The following EPYC variants were observed in gnomAD, a reference collection of about 807,000 sequenced individuals.
The protein encoded by EPYC is dermatan sulfate proteoglycan 3.
Under a neutral mutation model 30.1 loss-of-function variants are expected in EPYC, and 28 were observed. The observed-to-expected ratio is 0.93, with a 90% CI of 0.69 to 1.28. EPYC has a LOEUF of 1.28. Ranked by LOEUF, EPYC falls within the 50% of genes most tolerant of loss-of-function variation. EPYC has a pLI of 0.00. For missense variants in EPYC, 382 were observed against 383.5 expected (o/e 1.00, Z 0.03); for synonymous variants, 144 against 141.4 (o/e 1.02, Z -0.13).
chr12:91,001,865 A>T (rs946129596), intron 2 of EPYC, among the ~76,000 whole-genome samples: 1 of 151,918 alleles, frequency 6.6e-6, no homozygotes, highest in African/African-American at 2.4e-5. Context: ...TTGGCAATAA[A>T]ATTTGAAGGA....
chr12:90,976,139 C>T (rs7958144), intron 3 of EPYC, among the ~76,000 whole-genome samples: 64 of 152,036 alleles, frequency 4.2e-4, no homozygotes, highest in African/African-American at 1.4e-3. Context: ...GTTAAAAACT[C>T]AAAGAGGCAA....
chr12:90,988,607 A>C (rs1877507910), intron 2 of EPYC, among the ~76,000 whole-genome samples: 1 of 152,108 alleles, frequency 6.6e-6, no homozygotes, highest in Admixed American at 6.5e-5. Flanking sequence ...CATCTACAAA[A>C]ATGTTAAAAA....
chr12:90,980,222 A>C (rs1877293941), intron 2 of EPYC, among the ~76,000 whole-genome samples: 1 of 152,196 alleles, frequency 6.6e-6, no homozygotes, highest in Non-Finnish European at 1.5e-5. Flanking sequence ...GCTTTATAAG[A>C]AAAATGTTTG....
At chr12:90,977,251 A>T (rs1877208715) in intron 3 of EPYC, among the ~76,000 whole-genome samples, 1 of 152,178 alleles carries the variant, frequency 6.6e-6, no homozygotes, top group Non-Finnish European at 1.5e-5. Flanking sequence ...TGTATATAAA[A>T]GTATTCCAGT....
In EPYC at chr12:90,971,966, A is replaced by C; in HGVS notation, c.536T>G (p.Ile179Arg). The part of the protein sequence containing the change: ...LKRIDLTSNL[I>R]SEIDEDAFRK... ...GAATGCATCTTCATCAATCTCAGAT[A>C]TTAAATTTGATGTCAGATCAATCCT... Residue 179 changes from isoleucine to arginine, a missense_variant, in exon 5 of 7, where the codon ATA becomes AGA. Transcript: ENST00000261172. 6.2e-7 allele frequency: 1 copy of C among 1,604,614 alleles called. No homozygotes were observed. Among genetic ancestry groups the C allele is most frequent in the Non-Finnish European group, 8.5e-7 (1 of 1,174,824 alleles).
At chr12:90,969,954 G>T in intron 6 of EPYC, 90 bp downstream of exon 6, 2 of 843,126 alleles carry the variant, frequency 2.4e-6, no homozygotes, top group Non-Finnish European at 4.1e-6. Flanking sequence ...GTGTCAACAT[G>T]CCATTACAGA....
chr12:90,973,773 G>T (rs998347806), intron 3 of EPYC, among the ~76,000 whole-genome samples: 5 of 152,158 alleles, frequency 3.3e-5, no homozygotes, highest in Non-Finnish European at 7.4e-5. Flanking sequence ...GACATAACAT[G>T]CAGGGGCCTT....
chr12:90,979,903 TTTAAA>T (rs1422898828), intron 2 of EPYC, among the ~76,000 whole-genome samples: 1 of 152,204 alleles, frequency 6.6e-6, no homozygotes, highest in East Asian at 1.9e-4. Context: ...TAATACTTAC[TTTAAA>T]TTATTTAAAG....
At chr12:91,000,863 CT>C (rs1877806927) in intron 2 of EPYC, among the ~76,000 whole-genome samples, 1 of 151,998 alleles carries the variant, frequency 6.6e-6, no homozygotes, top group African/African-American at 2.4e-5. Context: ...CACTGAAAAA[CT>C]TTCATCTTAT....
chr12:90,971,094 GC>G (rs1877031786), intron 5 of EPYC, among the ~76,000 whole-genome samples: 2 of 152,134 alleles, frequency 1.3e-5, no homozygotes, highest in Non-Finnish European at 1.5e-5. Flanking sequence ...TCAAGACACT[GC>G]CCATTCCCTG....
chr12:90,972,588 T>G (rs144618983), intron 4 of EPYC: 1 of 363,884 alleles, frequency 2.7e-6, no homozygotes, highest in African/African-American at 2.1e-5. Flanking sequence ...CATATTTAGT[T>G]TAAATTGCTC....
At position 90,971,566 on chromosome 12, in the gene EPYC, G is replaced by C. The variant is rs546017957; in HGVS notation, c.702+234C>G. Among the ~76,000 whole-genome samples, 149 of 151,958 alleles carry C rather than the reference G, an allele frequency of 9.8e-4. 1 individual carries two copies. Among genetic ancestry groups the C allele is most frequent in the African/African-American group, 2.8e-3 (118 of 41,424 alleles). ...CGCATCTTGTAGTCCCAGCTACTTG[G>C]GAGGCTGAGGCAGGAGGATCATCTG... On this transcript the variant is annotated intron_variant, in intron 5 of 6. Transcript: ENST00000261172.
rs766917163 is a variant in EPYC, at chr12:90,972,818, A to G, written c.499+4T>C. 1.9e-6 allele frequency: 3 copies of G among 1,613,008 alleles called. No individual in the cohort carries two copies. The highest frequency in any genetic ancestry group is 1.7e-6 in the Non-Finnish European group (2 of 1,179,242). The stretch of plus-strand genomic sequence containing the variant: ...GTGAAGGCCGTTAATGCTGTCATCC[A>G]TACTTAGGCTTGCAAAGTCATTTTT... On this transcript the variant is annotated splice_donor_region_variant and intron_variant, in intron 4 of 6. Coordinates refer to ENST00000261172, the MANE Select transcript of EPYC (RefSeq NM_004950.5).
chr12:90,966,258 G>A (rs1229425203), intron 6 of EPYC, among the ~76,000 whole-genome samples: 2 of 151,978 alleles, frequency 1.3e-5, no homozygotes, highest in Non-Finnish European at 2.9e-5. Context: ...CATTGAAGAT[G>A]ATGTTAGCCT....
intron 2 of EPYC, 88 bp downstream of exon 2, chr12:91,002,313 A>C: frequency 8.6e-7 from 1 of 1,164,812 alleles, no homozygotes; most frequent in Non-Finnish European, 1.2e-6. Flanking sequence ...ACTTATAAAA[A>C]AACCCAAACA....
chr12:90,966,088 T>G (rs936301904), intron 6 of EPYC, among the ~76,000 whole-genome samples: 1 of 152,080 alleles, frequency 6.6e-6, no homozygotes, highest in African/African-American at 2.4e-5. Flanking sequence ...AAGAATGACC[T>G]TATTTCCAAT....
chr12:90,977,428 T>G (rs960110745), intron 3 of EPYC, among the ~76,000 whole-genome samples: 1 of 152,154 alleles, frequency 6.6e-6, no homozygotes, highest in Non-Finnish European at 1.5e-5. Context: ...TGCAATATTT[T>G]CCTCTCTCTG....
chr12:90,987,249 C>T (rs972890313), intron 2 of EPYC, among the ~76,000 whole-genome samples: 5 of 151,810 alleles, frequency 3.3e-5, no homozygotes, highest in African/African-American at 9.7e-5. Context: ...CCAAACCCCT[C>T]CCCAACCACA....
chr12:91,003,927 A>G (rs1443770781), intron 1 of EPYC, among the ~76,000 whole-genome samples: 1 of 152,124 alleles, frequency 6.6e-6, no homozygotes, highest in Non-Finnish European at 1.5e-5. Context: ...AAGCAGTACA[A>G]GGAGCTCCTT....
Sources: allele counts gnomAD v4.1 joint callset (sites outside exome capture counted in the v4.1 genomes callset), GRCh38; gene constraint gnomAD v4.1.1; transcripts MANE v1.5; gene names NCBI Gene and HGNC (gene_info 2026-07-23, HGNC 2026-07-21).